The following ZBTB44 variants were observed in gnomAD, a reference collection of about 807,000 sequenced individuals.
The protein encoded by ZBTB44 is zinc finger and BTB domain-containing protein 44.
In ZBTB44, 15 loss-of-function variants were observed where a neutral mutation model predicts 54.0. The observed-to-expected ratio is 0.28, with a 90% CI of 0.19 to 0.43. The LOEUF (loss-of-function observed/expected upper bound fraction) is 0.43. Among genes scored for constraint, ZBTB44 ranks in the 20% least tolerant of loss-of-function variants. The pLI is 1.00. For synonymous variants in ZBTB44, 230 were observed against 250.1 expected (o/e 0.92, Z 0.76); for missense variants, 487 against 707.1 (o/e 0.69, Z 3.53).
chr11:130,295,910 G>A (rs1298277797), intron 1 of ZBTB44: 2 of 1,506,604 alleles, frequency 1.3e-6, no homozygotes, highest in East Asian at 4.5e-5. Context: ...ATAATGGGTG[G>A]CAGTAACGGA....
chr11:130,275,867 CG>C (rs1383062455), intron 1 of ZBTB44, among the ~76,000 whole-genome samples: 1 of 151,784 alleles, frequency 6.6e-6, no homozygotes, highest in African/African-American at 2.4e-5. Flanking sequence ...GCCTCGTGAT[CG>C]GCCCACCTTG....
chr11:130,263,633 C>T lies in ZBTB44; in HGVS notation c.-56-1704G>A, dbSNP rs777050566. ...TGAAACCATTTCCATCTTGAATAGG[C>T]CCCAAACAACAGATAATGTACTACG... On this transcript the variant is annotated intron_variant, in intron 1 of 7. Transcript: ENST00000357899. Among the ~76,000 whole-genome samples the T allele has an allele frequency of 1.2e-3, 179 of 152,176 alleles. 3 individuals are homozygous for T. Among genetic ancestry groups the T allele is most frequent in the Admixed American group, 2.6e-4 (4 of 15,282 alleles).
At chr11:130,231,920 T>G (rs1953891165) in intron 7 of ZBTB44, 1 of 152,146 alleles carries the variant, frequency 6.6e-6, no homozygotes, top group African/African-American at 2.4e-5. Context: ...TGCAACCCTA[T>G]CAGTGAAGAA....
At chr11:130,262,915 G>T (rs1284872597) in intron 1 of ZBTB44, among the ~76,000 whole-genome samples, 1 of 152,150 alleles carries the variant, frequency 6.6e-6, no homozygotes, top group Admixed American at 6.5e-5. Context: ...ATAAAAATTA[G>T]GCGGGTGTGG....
chr11:130,283,088 C>T (rs957122690), intron 1 of ZBTB44, among the ~76,000 whole-genome samples: 1 of 133,438 alleles, frequency 7.5e-6, no homozygotes, highest in African/African-American at 2.9e-5. Flanking sequence ...GTCACCCAGA[C>T]TGCTGGAGTG....
intron 2 of ZBTB44, among the ~76,000 whole-genome samples, chr11:130,259,485 T>C (rs1256831963): frequency 6.6e-6 from 1 of 152,186 alleles, no homozygotes; most frequent in Non-Finnish European, 1.5e-5. Context: ...ATCTTTCTAC[T>C]ATAAAGACAC....
intron 1 of ZBTB44, among the ~76,000 whole-genome samples, chr11:130,299,472 G>A (rs1304495528): frequency 1.3e-5 from 2 of 151,164 alleles, no homozygotes; most frequent in African/African-American, 4.9e-5. Flanking sequence ...AGAATCACTT[G>A]AACCCAGGAG....
intron 1 of ZBTB44, among the ~76,000 whole-genome samples, chr11:130,282,377 T>C (rs922285329): frequency 9.2e-5 from 14 of 152,184 alleles, no homozygotes; most frequent in African/African-American, 3.4e-4. Context: ...TGAAGGTACC[T>C]CATATAAGTG....
Position 130,229,063 on chromosome 11 carries a change from C to A in ZBTB44, c.*2701G>T, listed in dbSNP as rs895904166. 16 of 152,084 alleles carry A rather than the reference C, an allele frequency of 1.1e-4. No homozygotes were observed. The highest frequency in any genetic ancestry group is 3.9e-4 in the African/African-American group (16 of 41,406). The allele number at this position is 152,084 out of a possible 1,614,324, so 9.4% of individuals were successfully genotyped here. A position where few individuals can be genotyped will look rare whatever the true frequency, so the allele number is the denominator to read the frequency against. On this transcript the variant is annotated 3_prime_UTR_variant, in exon 8 of 8. Transcript: ENST00000357899. Reference sequence around the variant, plus strand: ...TTAGCTGAAGCCGGCCTGGGTCTTGCACAGTGGGGGTTTACTTAAGTAAAA... The same window carrying A: ...TTAGCTGAAGCCGGCCTGGGTCTTGAACAGTGGGGGTTTACTTAAGTAAAA...
intron 2 of ZBTB44, among the ~76,000 whole-genome samples, chr11:130,253,205 A>G (rs1476274164): frequency 6.6e-6 from 1 of 152,206 alleles, no homozygotes; most frequent in African/African-American, 2.4e-5. Context: ...ACAGTGTTGG[A>G]AGTTCTGGCC....
intron 1 of ZBTB44, among the ~76,000 whole-genome samples, chr11:130,290,184 T>C (rs1426713344): frequency 6.6e-6 from 1 of 151,816 alleles, no homozygotes; most frequent in African/African-American, 2.4e-5. Context: ...GAAGAGGAGG[T>C]GGTGTAGCAA....
intron 1 of ZBTB44, among the ~76,000 whole-genome samples, chr11:130,276,242 A>AAAAAAAAAAAAAAAAAAAAAAAAAAAAAG (rs59112840): frequency 4.7e-4 from 44 of 94,416 alleles, no homozygotes; most frequent in African/African-American, 1.1e-3. Context: ...CAAAAAAAAA[A>AAAAAAAAAAAAAAAAAAAAAAAAAAAAAG]AAAAGAAAAA....
At chr11:130,281,010 T>A (rs1440798549) in intron 1 of ZBTB44, among the ~76,000 whole-genome samples, 3 of 152,144 alleles carry the variant, frequency 2.0e-5, no homozygotes, top group African/African-American at 7.2e-5. Context: ...GTTGGGGAAG[T>A]TCTCTCATTA....
intron 1 of ZBTB44, among the ~76,000 whole-genome samples, chr11:130,314,097 G>C (rs1040634781): frequency 2.6e-5 from 4 of 152,198 alleles, no homozygotes; most frequent in African/African-American, 7.2e-5. Flanking sequence ...GGCCGCTCCG[G>C]GTTAGGGTGT....
In ZBTB44 at chr11:130,250,670, A is replaced by C. The variant is rs1368368126; in HGVS notation, c.1018+10186T>G. ...GAGTGGACCTCCAACAAACTGCAGC[A>C]GACCTTCAAAAGAGGGGCCTGTTAG... On this transcript the variant is annotated intron_variant, in intron 2 of 7. Coordinates refer to ENST00000357899, the MANE Select transcript of ZBTB44 (RefSeq NM_001301098.2). 2.6e-5 allele frequency among the ~76,000 whole-genome samples: 4 copies of C among 152,244 alleles called. No individual in the cohort carries two copies. The East Asian group carries it at 7.7e-4, about 29-fold the overall frequency.
At chr11:130,299,930 G>T (rs189411891) in intron 1 of ZBTB44, among the ~76,000 whole-genome samples, 28 of 152,284 alleles carry the variant, frequency 1.8e-4, no homozygotes, top group African/African-American at 6.3e-4. Context: ...AGAGATGAAT[G>T]AATTAATGAG....
chr11:130,249,665 C>T (rs990358559), intron 2 of ZBTB44, among the ~76,000 whole-genome samples: 1 of 152,150 alleles, frequency 6.6e-6, no homozygotes, highest in Non-Finnish European at 1.5e-5. Context: ...CAGGGTGGGG[C>T]GTTACCTCAC....
intron 1 of ZBTB44, chr11:130,285,348 G>T (rs902514965): frequency 7.0e-6 from 1 of 143,674 alleles, no homozygotes; most frequent in East Asian, 2.0e-4. Context: ...CTGGAATGCC[G>T]TGGCACAATC....
At chr11:130,251,166 T>C (rs1185004272) in intron 2 of ZBTB44, among the ~76,000 whole-genome samples, 1 of 151,932 alleles carries the variant, frequency 6.6e-6, no homozygotes, top group East Asian at 1.9e-4. Flanking sequence ...TATCAATAGC[T>C]GAATGGATCA....
Sources: allele counts gnomAD v4.1 joint callset (sites outside exome capture counted in the v4.1 genomes callset), GRCh38; gene constraint gnomAD v4.1.1; transcripts MANE v1.5; gene names NCBI Gene and HGNC (gene_info 2026-07-23, HGNC 2026-07-21).